RNF144A: variants seen among roughly 807,000 people sequenced by gnomAD.
RNF144A encodes the protein E3 ubiquitin-protein ligase RNF144A.
Under a neutral mutation model 38.7 loss-of-function variants are expected in RNF144A, and 11 were observed. The observed-to-expected ratio is 0.28, with a 90% CI of 0.18 to 0.47. The LOEUF is 0.47. RNF144A is among the 20% of genes least tolerant of loss of function. The pLI, the probability that RNF144A is intolerant of heterozygous loss-of-function variation, is 0.99. For synonymous variants in RNF144A, 149 were observed against 143.9 expected, an observed-to-expected ratio of 1.04 and a Z score of -0.25; for missense variants, 316 against 377.2, an observed-to-expected ratio of 0.84 and a Z score of 1.34.
At chr2:6,926,522 G>A (rs926697431) in intron 1 of RNF144A, among the ~76,000 whole-genome samples, 6 of 152,198 alleles carry the variant, frequency 3.9e-5, no homozygotes, top group Admixed American at 3.9e-4. Context: ...TAGGCCCAGA[G>A]CCATATGCAT....
chr2:7,019,352 C>T (rs993551311), intron 5 of RNF144A, among the ~76,000 whole-genome samples: 26 of 152,220 alleles, frequency 1.7e-4, no homozygotes, highest in Non-Finnish European at 3.7e-4. Context: ...TCCCGGTCCA[C>T]GTGCGGCGCC....
chr2:7,039,667 G>C lies in RNF144A; in HGVS notation c.786G>C (p.Leu262Phe). ...TTGCAGGATTTGGGCTGCTGCTCTT[G>C]GTGGCCTCACCTTTCCTACTCCTGG... ...GIFAGFGLLL[L>F]VASPFLLLAT... Residue 262 changes from leucine to phenylalanine, a missense_variant, in exon 9 of 9, where the codon TTG becomes TTC. Coordinates refer to ENST00000320892, the MANE Select transcript of RNF144A (RefSeq NM_014746.6). The C allele has an allele frequency of 6.2e-7, 1 of 1,614,020 alleles. No homozygotes were observed. The highest frequency in any genetic ancestry group is 8.5e-7 in the Non-Finnish European group (1 of 1,179,982).
chr2:6,956,700 G>A (rs1667022887), intron 2 of RNF144A, among the ~76,000 whole-genome samples: 2 of 152,142 alleles, frequency 1.3e-5, no homozygotes, highest in South Asian at 2.1e-4. Context: ...AGTGGCATCC[G>A]GGGACGCTGC....
At chr2:6,985,293 T>TTA (rs1398147128) in intron 2 of RNF144A, among the ~76,000 whole-genome samples, 4 of 119,578 alleles carry the variant, frequency 3.3e-5, no homozygotes, top group Admixed American at 9.1e-5. Flanking sequence ...TTTTTTTTTT[T>TTA]AACAATGAGA....
the RNF144A span, among the ~76,000 whole-genome samples, chr2:7,073,757 C>A: frequency 7.2e-5 from 11 of 152,204 alleles, no homozygotes; most frequent in African/African-American, 2.7e-4. Flanking sequence ...CTTATTTAAT[C>A]CATACATGAG....
intron 6 of RNF144A, 98 bp downstream of exon 6, chr2:7,020,778 T>C (rs1212465978): frequency 9.3e-7 from 1 of 1,080,338 alleles, no homozygotes; most frequent in African/African-American, 1.5e-5. Flanking sequence ...TGTAAGTGGC[T>C]GTGGCTCAGT....
At position 7,039,691 on chromosome 2, in the gene RNF144A, G is replaced by A. The variant is rs971365658; in HGVS notation, c.810G>A (p.Leu270=). The stretch of plus-strand genomic sequence containing the variant: ...TGGTGGCCTCACCTTTCCTACTCCT[G>A]GCCACTCCCTTTGTACTTTGCTGCA... ...LLLVASPFLL[L]ATPFVLCCKC... is the part of the protein sequence containing the mutation. The change falls in exon 9 of 9, where the codon CTG becomes CTA. Residue 270 remains leucine, a synonymous_variant. Transcript: ENST00000320892. 4.3e-6 allele frequency: 7 copies of A among 1,614,026 alleles called. No individual in the cohort carries two copies. The Admixed American group carries it at 6.7e-5, about 15-fold the overall frequency.
downstream of RNF144A, among the ~76,000 whole-genome samples, chr2:7,045,200 C>T (rs1673257058): frequency 6.6e-6 from 1 of 152,228 alleles, no homozygotes; most frequent in African/African-American, 2.4e-5. Context: ...GAGAGTTACT[C>T]AAATGTCTGA....
intron 3 of RNF144A, among the ~76,000 whole-genome samples, chr2:7,010,907 A>T (rs1169029774): frequency 6.6e-6 from 1 of 151,936 alleles, no homozygotes; most frequent in Non-Finnish European, 1.5e-5. Flanking sequence ...TGATCTGTGC[A>T]TGCCTCTTTC....
At chr2:7,035,315 C>T (rs365775) in intron 8 of RNF144A, among the ~76,000 whole-genome samples, 104,832 of 152,152 alleles carry the variant, frequency 0.69, 37,216 homozygotes, top group South Asian at 0.88. Context: ...TACTTGACTG[C>T]AGCCCACAGG....
At chr2:7,062,519 A>G (rs1461425604) in intron 6 of RNF144A, among the ~76,000 whole-genome samples, 1 of 147,352 alleles carries the variant, frequency 6.8e-6, no homozygotes, top group Non-Finnish European at 1.5e-5. Flanking sequence ...AAAAAAAAAG[A>G]AAGAAATAGA....
At chr2:7,017,634 C>T (rs1671226486) in intron 5 of RNF144A, among the ~76,000 whole-genome samples, 1 of 152,246 alleles carries the variant, frequency 6.6e-6, no homozygotes, top group Admixed American at 6.5e-5. Flanking sequence ...CTTCATTAAT[C>T]TGCCATGAAT....
At chr2:6,950,159 G>C (rs1485937528) in intron 2 of RNF144A, among the ~76,000 whole-genome samples, 1 of 152,210 alleles carries the variant, frequency 6.6e-6, no homozygotes, top group Non-Finnish European at 1.5e-5. Context: ...TCAAACGAGA[G>C]CATCGTTGAT....
intron 2 of RNF144A, among the ~76,000 whole-genome samples, chr2:6,994,819 G>A (rs767179803): frequency 2.0e-5 from 3 of 152,146 alleles, no homozygotes; most frequent in Admixed American, 6.5e-5. Context: ...CTCCAGCTGC[G>A]GCCCACTCCC....
intron 8 of RNF144A, among the ~76,000 whole-genome samples, chr2:7,034,056 C>G (rs1672502681): frequency 6.6e-6 from 1 of 152,166 alleles, no homozygotes; most frequent in Admixed American, 6.5e-5. Flanking sequence ...GGTTCTGCTC[C>G]TGGTGAGGAG....
chr2:6,957,155 A>G (rs1667057177), intron 2 of RNF144A, among the ~76,000 whole-genome samples: 1 of 152,164 alleles, frequency 6.6e-6, no homozygotes, highest in Non-Finnish European at 1.5e-5. Context: ...GTCTGCAGGA[A>G]GCTCTTCGTG....
Position 7,024,389 on chromosome 2 carries a change from A to T in RNF144A, c.530A>T (p.Glu177Val). 6.2e-7 allele frequency: 1 copy of T among 1,608,138 alleles called. No individual in the cohort carries two copies. The highest frequency in any genetic ancestry group is 8.5e-7 in the Non-Finnish European group (1 of 1,174,740). The change falls in exon 7 of 9, where the codon GAA becomes GTA. Residue 177 changes from glutamate to valine, a missense_variant. By Grantham distance (121) the Glu-to-Val change is moderately radical. Transcript: ENST00000320892. ...CACAGTGCTGCTTTCAAAATGGAAGAAGATGACGCGCCCATCAAGCGCTGC... is the reference window on the plus strand; with the variant it reads ...CACAGTGCTGCTTTCAAAATGGAAGTAGATGACGCGCCCATCAAGCGCTGC... Reference protein sequence around the residue: ...GETSAAFKMEEDDAPIKRCPK... With the variant: ...GETSAAFKMEVDDAPIKRCPK...
intron 2 of RNF144A, among the ~76,000 whole-genome samples, chr2:6,955,782 A>G (rs1281773870): frequency 1.3e-5 from 2 of 152,132 alleles, no homozygotes; most frequent in Non-Finnish European, 2.9e-5. Flanking sequence ...AAGAAGCCCC[A>G]TTTTAATGGC....
At chr2:6,959,654 A>G (rs1485203433) in intron 2 of RNF144A, among the ~76,000 whole-genome samples, 1 of 152,198 alleles carries the variant, frequency 6.6e-6, no homozygotes. Context: ...AGTGGCTTCT[A>G]TAACAGACTC....
Sources: gnomAD v4.1 joint callset for allele counts (sites outside exome capture counted in the v4.1 genomes callset) on GRCh38, gnomAD v4.1.1 for gene constraint, MANE v1.5 for transcripts, NCBI Gene and HGNC (gene_info 2026-07-23, HGNC 2026-07-21) for gene names.